The following UNC5D variants were observed in gnomAD, a reference collection of about 807,000 sequenced individuals.
UNC5D encodes unc-5 netrin receptor D, also known as netrin receptor UNC5D.
Under a neutral mutation model 105.4 loss-of-function variants are expected in UNC5D, and 39 were observed. The ratio of observed to expected loss-of-function variants is 0.37; its 90% CI spans 0.29 to 0.48. The LOEUF (loss-of-function observed/expected upper bound fraction) is 0.48. UNC5D is among the 20% of genes least tolerant of loss of function. The probability of loss-of-function intolerance (pLI) is 0.98; values close to 1 mark genes in which losing one functional copy is unlikely to be tolerated. For synonymous variants in UNC5D, 452 were observed against 450.4 expected (o/e 1.00, Z -0.04); for missense variants, 991 against 1,202.4 (o/e 0.82, Z 2.60).
At chr8:35,242,673 C>A (rs1481901126) in intron 1 of UNC5D, among the ~76,000 whole-genome samples, 1 of 152,038 alleles carries the variant, frequency 6.6e-6, no homozygotes, top group African/African-American at 2.4e-5. Flanking sequence ...CAGGGTTTCA[C>A]CACGTTGGTC....
At chr8:35,643,190 A>G (rs966994654) in intron 4 of UNC5D, among the ~76,000 whole-genome samples, 4 of 152,116 alleles carry the variant, frequency 2.6e-5, no homozygotes, top group South Asian at 2.1e-4. Context: ...CCTCCACCCA[A>G]TAGGCACCAC....
intron 4 of UNC5D, among the ~76,000 whole-genome samples, chr8:35,661,504 C>T (rs984562759): frequency 6.6e-6 from 1 of 152,192 alleles, no homozygotes; most frequent in African/African-American, 2.4e-5. Context: ...ACTACTTTAA[C>T]ACTGATATCT....
At chr8:35,626,421 ACTCT>A (rs1331324130) in intron 4 of UNC5D, among the ~76,000 whole-genome samples, 1 of 152,126 alleles carries the variant, frequency 6.6e-6, no homozygotes, top group African/African-American at 2.4e-5. Flanking sequence ...TTGGAATTTA[ACTCT>A]CTGATTAGCT....
chr8:35,737,684 G>A lies in UNC5D; in HGVS notation c.1766+6588G>A, dbSNP rs76749056. The stretch of plus-strand genomic sequence containing the variant: ...TGCTTCATTCAAGGCAAAATCTTCT[G>A]CCTTCCTTTGTTTTCTTTGCCTTCT... On this transcript the variant is annotated intron_variant, in intron 11 of 16. Coordinates refer to ENST00000404895, the MANE Select transcript of UNC5D (RefSeq NM_080872.4). 2.1e-3 allele frequency among the ~76,000 whole-genome samples: 318 copies of A among 152,246 alleles called. 3 individuals are homozygous for A. The highest frequency in any genetic ancestry group is 7.2e-3 in the African/African-American group (300 of 41,542).
At chr8:35,770,184 T>C in intron 15 of UNC5D, among the ~76,000 whole-genome samples, 1 of 152,132 alleles carries the variant, frequency 6.6e-6, no homozygotes, top group Non-Finnish European at 1.5e-5. Flanking sequence ...ATTTAGGTGG[T>C]TTAATACATT....
chr8:35,442,465 G>A (rs1807471206), intron 1 of UNC5D, among the ~76,000 whole-genome samples: 1 of 151,746 alleles, frequency 6.6e-6, no homozygotes, highest in South Asian at 2.1e-4. Flanking sequence ...TCTTACTTAG[G>A]AGGAATTACA....
rs547097809 is a variant in UNC5D at position 35,265,727 on chromosome 8, G to T, written c.103+29840G>T. 5.3e-5 allele frequency among the ~76,000 whole-genome samples: 8 copies of T among 151,812 alleles called. No individual in the cohort carries two copies. In the East Asian group the frequency reaches 1.5e-3, roughly 29 times the overall value. On this transcript the variant is annotated intron_variant, in intron 1 of 16. Coordinates refer to ENST00000404895, the MANE Select transcript of UNC5D (RefSeq NM_080872.4). Reference sequence around the variant, plus strand: ...CTACTAAAAATACAAAAAATTAGCCGGGCATGGTGGCAGGCGCCTGTAGTC... The same window carrying T: ...CTACTAAAAATACAAAAAATTAGCCTGGCATGGTGGCAGGCGCCTGTAGTC...
chr8:35,533,461 A>G (rs1435601725), intron 1 of UNC5D, among the ~76,000 whole-genome samples: 2 of 152,198 alleles, frequency 1.3e-5, no homozygotes, highest in Non-Finnish European at 2.9e-5. Flanking sequence ...GCTGTCATAC[A>G]AGGACACTTA....
chr8:35,389,610 C>T (rs1803644889), intron 1 of UNC5D, among the ~76,000 whole-genome samples: 1 of 152,006 alleles, frequency 6.6e-6, no homozygotes. Context: ...AAATAACTTG[C>T]CCTTTCATTC....
chr8:35,790,621 G>T lies in UNC5D; in HGVS notation c.*58G>T, dbSNP rs1802996131. The stretch of plus-strand genomic sequence containing the variant: ...AGCTTGGGGACATTTGCTTTAAATG[G>T]GAAAGAGGCCGCTTTCTGCCCAGTG... On this transcript the variant is annotated 3_prime_UTR_variant, in exon 17 of 17. Coordinates refer to ENST00000404895, the MANE Select transcript of UNC5D (RefSeq NM_080872.4). 3.1e-6 allele frequency: 5 copies of T among 1,588,136 alleles called. No homozygotes were observed. In the South Asian group the frequency reaches 5.6e-5, roughly 18 times the overall value.
At chr8:35,563,749 G>GT in intron 2 of UNC5D, among the ~76,000 whole-genome samples, 1 of 151,918 alleles carries the variant, frequency 6.6e-6, no homozygotes, top group East Asian at 1.9e-4. Context: ...TTAGCTGTAG[G>GT]TTTGTCATAT....
intron 1 of UNC5D, among the ~76,000 whole-genome samples, chr8:35,322,249 A>G (rs1057120413): frequency 2.0e-5 from 3 of 152,128 alleles, no homozygotes; most frequent in African/African-American, 7.2e-5. Flanking sequence ...TATTGCCTGC[A>G]TCTCTCAGGC....
intron 1 of UNC5D, among the ~76,000 whole-genome samples, chr8:35,236,264 T>G (rs1186380479): frequency 1.3e-5 from 2 of 152,144 alleles, no homozygotes; most frequent in African/African-American, 4.8e-5. Flanking sequence ...TTAGCGCCCA[T>G]AGCGATGTCG....
chr8:35,623,539 A>G (rs898171670), intron 4 of UNC5D, among the ~76,000 whole-genome samples: 2 of 152,090 alleles, frequency 1.3e-5, no homozygotes, highest in African/African-American at 2.4e-5. Context: ...TTGCCATTGC[A>G]TGGCCTCTCT....
chr8:35,514,367 A>G (rs1040343122), intron 1 of UNC5D, among the ~76,000 whole-genome samples: 1 of 152,204 alleles, frequency 6.6e-6, no homozygotes, highest in Non-Finnish European at 1.5e-5. Flanking sequence ...CTTTTGAGAG[A>G]AAACTTTAAA....
At chr8:35,770,649 C>T (rs990319357) in intron 15 of UNC5D, among the ~76,000 whole-genome samples, 2 of 152,138 alleles carry the variant, frequency 1.3e-5, no homozygotes, top group Non-Finnish European at 2.9e-5. Flanking sequence ...AACAATTTTG[C>T]AAATATTGAA....
intron 14 of UNC5D, among the ~76,000 whole-genome samples, chr8:35,761,185 A>G (rs1274364883): frequency 6.6e-6 from 1 of 152,176 alleles, no homozygotes; most frequent in Non-Finnish European, 1.5e-5. Flanking sequence ...TCTAGTCCAA[A>G]TTGAACTTCA....
At chr8:35,254,482 T>A (rs1195588818) in intron 1 of UNC5D, 1 of 152,166 alleles carries the variant, frequency 6.6e-6, no homozygotes, top group African/African-American at 2.4e-5. Context: ...AATATGAAGA[T>A]GCTAGAAAAG....
Position 35,237,179 on chromosome 8 carries a change from G to GTTT in UNC5D, c.103+1317_103+1319dup, listed in dbSNP as rs3073013. Among the ~76,000 whole-genome samples, 589 of 61,784 alleles carry GTTT rather than the reference G, an allele frequency of 9.5e-3. 35 individuals are homozygous for GTTT. The highest frequency in any genetic ancestry group is 0.034 in the African/African-American group (526 of 15,454). The allele number at this position is 61,784 out of a possible 152,430, so 40.5% of individuals were successfully genotyped here. A position where few individuals can be genotyped will look rare whatever the true frequency, so the allele number is the denominator to read the frequency against. On this transcript the variant is annotated intron_variant, in intron 1 of 16. Transcript: ENST00000404895. ...CCATTTGCATTTCATTTCCTGAAAA[G>GTTT]TTTTTTTTTTTTTTTTTTTTTTTTT...
Sources: gnomAD v4.1 joint callset for allele counts (sites outside exome capture counted in the v4.1 genomes callset) on GRCh38, gnomAD v4.1.1 for gene constraint, MANE v1.5 for transcripts, NCBI Gene and HGNC (gene_info 2026-07-23, HGNC 2026-07-21) for gene names.